The following DOCK3 variants were observed in gnomAD, a reference collection of about 807,000 sequenced individuals.
DOCK3 encodes dedicator of cytokinesis protein 3.
DOCK3 carries 60 observed loss-of-function variants against 265.6 expected under a neutral mutation model. The ratio of observed to expected loss-of-function variants is 0.23; its 90% CI spans 0.18 to 0.28. The LOEUF (loss-of-function observed/expected upper bound fraction) is 0.28. Ranked by LOEUF, DOCK3 falls within the 10% of genes least tolerant of loss-of-function variation. The pLI, the probability that DOCK3 is intolerant of heterozygous loss-of-function variation, is 1.00. For missense variants in DOCK3, 1,981 were observed against 2,594.3 expected (o/e 0.76, Z 5.14); for synonymous variants, 881 against 938.0 (o/e 0.94, Z 1.11).
chr3:50,871,561 T>C (rs2047432339), intron 3 of DOCK3, among the ~76,000 whole-genome samples: 1 of 152,192 alleles, frequency 6.6e-6, no homozygotes, highest in African/African-American at 2.4e-5. Flanking sequence ...TTGATGTCTC[T>C]CGCTATGTTT....
chr3:51,368,510 G>A (rs1453720677), intron 49 of DOCK3, among the ~76,000 whole-genome samples: 1 of 152,186 alleles, frequency 6.6e-6, no homozygotes, highest in Non-Finnish European at 1.5e-5. Flanking sequence ...CTGTGGGAGG[G>A]GCATCCGCCA....
intron 2 of DOCK3, among the ~76,000 whole-genome samples, chr3:50,808,970 G>A (rs76699816): frequency 0.13 from 20,148 of 152,172 alleles, 1,760 homozygotes; most frequent in Non-Finnish European, 0.18. Flanking sequence ...CAAGTAGATG[G>A]TAGAACTGAA....
intron 14 of DOCK3, among the ~76,000 whole-genome samples, chr3:51,221,008 G>A (rs1196578176): frequency 1.3e-5 from 2 of 151,976 alleles, no homozygotes; most frequent in Admixed American, 1.3e-4. Flanking sequence ...AGACCTCTGA[G>A]ACTACTCTCA....
intron 9 of DOCK3, among the ~76,000 whole-genome samples, chr3:51,138,780 T>C (rs952194599): frequency 4.6e-5 from 7 of 152,196 alleles, no homozygotes; most frequent in Admixed American, 3.3e-4. Flanking sequence ...GAAGTTATGA[T>C]AGATTCTCTT....
At chr3:50,859,463 C>G (rs977135542) in intron 3 of DOCK3, among the ~76,000 whole-genome samples, 15 of 151,750 alleles carry the variant, frequency 9.9e-5, no homozygotes, top group East Asian at 5.8e-4. Flanking sequence ...TGATCCACCC[C>G]CCTCGGCCTC....
chr3:51,016,606 ATATT>A lies in DOCK3; in HGVS notation c.316-47841_316-47838del, dbSNP rs1452809518. Among the ~76,000 whole-genome samples the A allele has an allele frequency of 1.8e-3, 127 of 70,882 alleles. 3 individuals are homozygous for A. The highest frequency in any genetic ancestry group is 8.4e-3 in the African/African-American group (121 of 14,440). The allele number at this position is 70,882 out of a possible 152,430, so 46.5% of individuals were successfully genotyped here. A position where few individuals can be genotyped will look rare whatever the true frequency, so the allele number is the denominator to read the frequency against. Reference sequence around the variant, plus strand: ...ATATCATATATTATATATGATATATATATTATATATTTATATATATAATATATAT... The same window carrying A: ...ATATCATATATTATATATGATATATAATATATTTATATATATAATATATAT... On this transcript the variant is annotated intron_variant, in intron 5 of 52. Coordinates refer to ENST00000266037, the MANE Select transcript of DOCK3 (RefSeq NM_004947.5).
chr3:51,095,103 C>G (rs538210818), intron 9 of DOCK3, among the ~76,000 whole-genome samples: 1 of 151,618 alleles, frequency 6.6e-6, no homozygotes, highest in East Asian at 1.9e-4. Context: ...TGGGTCTTGA[C>G]TCTTTATCCA....
At chr3:50,828,880 A>C (rs960771135) in intron 2 of DOCK3, among the ~76,000 whole-genome samples, 6 of 151,448 alleles carry the variant, frequency 4.0e-5, no homozygotes, top group African/African-American at 1.5e-4. Context: ...TGCCCAGCTA[A>C]TTTTTGTATT....
At chr3:50,809,865 A>G (rs2043637342) in intron 2 of DOCK3, among the ~76,000 whole-genome samples, 1 of 152,188 alleles carries the variant, frequency 6.6e-6, no homozygotes, top group Non-Finnish European at 1.5e-5. Flanking sequence ...TATTTGTCAG[A>G]GTAGTGGTTA....
chr3:51,331,123 C>T (rs920610892), intron 33 of DOCK3, among the ~76,000 whole-genome samples: 1 of 152,160 alleles, frequency 6.6e-6, no homozygotes, highest in African/African-American at 2.4e-5. Flanking sequence ...AAGAACTGGG[C>T]TCAGGGAAGT....
At chr3:51,238,751 T>C (rs2078461284) in intron 21 of DOCK3, among the ~76,000 whole-genome samples, 1 of 152,184 alleles carries the variant, frequency 6.6e-6, no homozygotes, top group South Asian at 2.1e-4. Flanking sequence ...AGAATAATGG[T>C]CTCCAGCTTC....
intron 1 of DOCK3, among the ~76,000 whole-genome samples, chr3:50,749,099 T>C (rs1271593577): frequency 6.6e-6 from 1 of 152,180 alleles, no homozygotes; most frequent in African/African-American, 2.4e-5. Flanking sequence ...TAGGAAAGTG[T>C]TTGAGATGAG....
At chr3:51,210,598 C>A (rs2089449668) in intron 13 of DOCK3, among the ~76,000 whole-genome samples, 2 of 152,176 alleles carry the variant, frequency 1.3e-5, no homozygotes, top group Non-Finnish European at 1.5e-5. Flanking sequence ...ACTCAGTTGC[C>A]AAGCTTCTGA....
intron 9 of DOCK3, among the ~76,000 whole-genome samples, chr3:51,100,497 G>A (rs1322822989): frequency 6.6e-6 from 1 of 152,136 alleles, no homozygotes; most frequent in African/African-American, 2.4e-5. Context: ...CTATGTATGA[G>A]CTCTACCCAT....
rs575101286 is a variant in DOCK3 at position 50,978,897 on chromosome 3, G to T, written c.315+44820G>T. 3.2e-4 allele frequency among the ~76,000 whole-genome samples: 48 copies of T among 152,298 alleles called. No individual in the cohort carries two copies. In the South Asian group the frequency reaches 9.8e-3, roughly 31 times the overall value. ...AAAAGCGCAGTATTCGGGTGGGAGTGACCCGATTTTCCAGGTGCTGTCCGT... is the reference window on the plus strand; with the variant it reads ...AAAAGCGCAGTATTCGGGTGGGAGTTACCCGATTTTCCAGGTGCTGTCCGT... On this transcript the variant is annotated intron_variant, in intron 5 of 52. Transcript: ENST00000266037.
Position 50,677,499 on chromosome 3 carries a change from T to C in DOCK3, c.37+2199T>C, listed in dbSNP as rs151236217. Reference sequence around the variant, plus strand: ...CTTGAAAATATAACCATTATCATTTTCCTGTGAGAAAATGTTTGAGTTTCA... The same window carrying C: ...CTTGAAAATATAACCATTATCATTTCCCTGTGAGAAAATGTTTGAGTTTCA... On this transcript the variant is annotated intron_variant, in intron 1 of 52. Transcript: ENST00000266037. Among the ~76,000 whole-genome samples the C allele has an allele frequency of 5.6e-3, 853 of 152,336 alleles. 9 individuals carry two copies. Among genetic ancestry groups the C allele is most frequent in the African/African-American group, 0.02 (817 of 41,570 alleles).
intron 1 of DOCK3, among the ~76,000 whole-genome samples, chr3:50,683,911 G>C (rs2107683642): frequency 7.2e-6 from 1 of 139,254 alleles, no homozygotes; most frequent in South Asian, 2.4e-4. Flanking sequence ...TGATCTGCCT[G>C]CCTTGACCTC....
rs965756398 is a variant in DOCK3, at chr3:50,786,803, A to G, written c.121+8045A>G. The G allele has an allele frequency of 2.6e-5, 19 of 741,296 alleles. No individual in the cohort carries two copies. The Admixed American group carries it at 2.9e-4, about 11-fold the overall frequency. The allele number at this position is 741,296 out of a possible 1,614,324, so 45.9% of individuals were successfully genotyped here. ...CATGAACTGTTTGTGCCCAACGTGGATGCTCATGTGGGTGTGTAGCTGGTA... is the reference window on the plus strand; with the variant it reads ...CATGAACTGTTTGTGCCCAACGTGGGTGCTCATGTGGGTGTGTAGCTGGTA... On this transcript the variant is annotated intron_variant, in intron 2 of 52. Coordinates refer to ENST00000266037, the MANE Select transcript of DOCK3 (RefSeq NM_004947.5).
chr3:50,803,760 C>G (rs1012279409), intron 2 of DOCK3, among the ~76,000 whole-genome samples: 2 of 151,696 alleles, frequency 1.3e-5, no homozygotes, highest in African/African-American at 2.4e-5. Flanking sequence ...CCCCCACCTC[C>G]CTCCTGGACA....
Sources: gnomAD v4.1 joint callset for allele counts (sites outside exome capture counted in the v4.1 genomes callset) on GRCh38, gnomAD v4.1.1 for gene constraint, MANE v1.5 for transcripts, NCBI Gene and HGNC (gene_info 2026-07-23, HGNC 2026-07-21) for gene names.